Variants in NKAIN3 observed in about 807,000 individuals in gnomAD.
The protein encoded by NKAIN3 is sodium/potassium transporting ATPase interacting 3.
In NKAIN3, 25 loss-of-function variants were observed where a neutral mutation model predicts 30.2. The ratio of observed to expected loss-of-function variants is 0.83; its 90% CI spans 0.60 to 1.16. The LOEUF (loss-of-function observed/expected upper bound fraction) is 1.16, where lower values mean the gene tolerates loss of function less well. Ranked by LOEUF, NKAIN3 falls within the 50% of genes most tolerant of loss-of-function variation. The probability of loss-of-function intolerance (pLI) is 0.00; values close to 1 mark genes in which losing one functional copy is unlikely to be tolerated. For synonymous variants in NKAIN3, 91 were observed against 89.6 expected (o/e 1.02, Z -0.09); for missense variants, 225 against 254.1 (o/e 0.89, Z 0.78).
chr8:62,310,804 G>A (rs1023075666), intron 1 of NKAIN3, among the ~76,000 whole-genome samples: 2 of 150,324 alleles, frequency 1.3e-5, no homozygotes, highest in African/African-American at 5.0e-5. Flanking sequence ...ATCAACCAGC[G>A]AGGTGACTCC....
At chr8:62,755,183 C>T (rs566611431) in intron 4 of NKAIN3, among the ~76,000 whole-genome samples, 1 of 152,204 alleles carries the variant, frequency 6.6e-6, no homozygotes, top group African/African-American at 2.4e-5. Flanking sequence ...AAAAAATGTG[C>T]CCAAGATCCC....
intron 1 of NKAIN3, among the ~76,000 whole-genome samples, chr8:62,293,565 G>T (rs113933658): frequency 0.017 from 2,533 of 152,262 alleles, 63 homozygotes; most frequent in African/African-American, 0.055. Flanking sequence ...ATTGCAGAAT[G>T]GCAAATGTTG....
At chr8:62,301,714 A>C (rs1315624805) in intron 1 of NKAIN3, among the ~76,000 whole-genome samples, 2 of 152,120 alleles carry the variant, frequency 1.3e-5, no homozygotes, top group Non-Finnish European at 2.9e-5. Context: ...TTTGGTACAC[A>C]AATAGGTTTC....
Position 62,688,211 on chromosome 8 carries a change from G to T in NKAIN3, c.274-58721G>T, listed in dbSNP as rs186128208. ...GAAAGTTCATTCTTATATTGAGTAAGCATCTGTTTCCATTATGGGTAACAG... is the reference window on the plus strand; with the variant it reads ...GAAAGTTCATTCTTATATTGAGTAATCATCTGTTTCCATTATGGGTAACAG... On this transcript the variant is annotated intron_variant, in intron 3 of 6. Transcript: ENST00000623646. Among the ~76,000 whole-genome samples the T allele has an allele frequency of 2.1e-3, 326 of 152,272 alleles. 2 individuals carry two copies. The highest frequency in any genetic ancestry group is 2.3e-3 in the Non-Finnish European group (159 of 68,024).
At chr8:62,404,370 G>A (rs1419979735) in intron 1 of NKAIN3, among the ~76,000 whole-genome samples, 2 of 152,188 alleles carry the variant, frequency 1.3e-5, no homozygotes, top group Non-Finnish European at 2.9e-5. Context: ...TGGTTTTGCT[G>A]TGTCTCCACC....
At chr8:62,320,789 G>C (rs1001908289) in intron 1 of NKAIN3, among the ~76,000 whole-genome samples, 2 of 151,920 alleles carry the variant, frequency 1.3e-5, no homozygotes, top group Non-Finnish European at 2.9e-5. Flanking sequence ...TTCAACTTTC[G>C]TGAATCTGAC....
chr8:62,574,939 TA>T lies in NKAIN3; in HGVS notation c.55-4590del, dbSNP rs374646001. Among the ~76,000 whole-genome samples, 1,078 of 148,450 alleles carry T rather than the reference TA, an allele frequency of 7.3e-3. 13 individuals are homozygous for T. Among genetic ancestry groups the T allele is most frequent in the African/African-American group, 0.024 (981 of 40,708 alleles). On this transcript the variant is annotated intron_variant, in intron 1 of 6. Coordinates refer to ENST00000623646, the MANE Select transcript of NKAIN3 (RefSeq NM_001304533.3). Reference sequence around the variant, plus strand: ...AACATCCCTTCAGGATAAAAACCTTTAAAAAAAAAACTGGGTGTAGAAGGAA... The same window carrying T: ...AACATCCCTTCAGGATAAAAACCTTTAAAAAAAAACTGGGTGTAGAAGGAA...
At chr8:62,711,671 T>C (rs968678239) in intron 3 of NKAIN3, among the ~76,000 whole-genome samples, 6 of 152,340 alleles carry the variant, frequency 3.9e-5, no homozygotes, top group Non-Finnish European at 7.3e-5. Context: ...TTTCCTTGCA[T>C]TGGACTTCAC....
At chr8:62,750,211 T>C (rs1433741444) in intron 4 of NKAIN3, among the ~76,000 whole-genome samples, 3 of 151,854 alleles carry the variant, frequency 2.0e-5, no homozygotes, top group African/African-American at 7.3e-5. Flanking sequence ...CATAGAAATA[T>C]CTAGAATAAC....
intron 5 of NKAIN3, among the ~76,000 whole-genome samples, chr8:62,920,356 CCTAACA>C (rs1822243093): frequency 6.6e-6 from 1 of 152,118 alleles, no homozygotes; most frequent in Non-Finnish European, 1.5e-5. Context: ...CTCAGTTGTA[CCTAACA>C]GTGGGAGAAA....
At chr8:62,811,570 A>C (rs1409758991) in intron 4 of NKAIN3, among the ~76,000 whole-genome samples, 3 of 151,914 alleles carry the variant, frequency 2.0e-5, no homozygotes, top group African/African-American at 7.2e-5. Context: ...AACCATTCTC[A>C]TAAGTACATA....
intron 1 of NKAIN3, among the ~76,000 whole-genome samples, chr8:62,512,484 G>A: frequency 6.6e-6 from 1 of 152,156 alleles, no homozygotes; most frequent in East Asian, 1.9e-4. Context: ...GGGATTTGAT[G>A]TTCTAAGATG....
Position 62,973,317 on chromosome 8 carries a change from A to G in NKAIN3, c.*7910A>G, listed in dbSNP as rs969997370. Among the ~76,000 whole-genome samples, 2 of 152,154 alleles carry G rather than the reference A, an allele frequency of 1.3e-5. No homozygotes were observed. Among genetic ancestry groups the G allele is most frequent in the South Asian group, 2.1e-4 (1 of 4,832 alleles). ...GTTAAAAGCATTCCTATTTCTCCAC[A>G]TCCTCTCCAGCCTCTGTTGTATCCT... On this transcript the variant is annotated 3_prime_UTR_variant, in exon 7 of 7. Coordinates refer to ENST00000623646, the MANE Select transcript of NKAIN3 (RefSeq NM_001304533.3).
At chr8:62,481,127 TC>T (rs1806705481) in intron 1 of NKAIN3, among the ~76,000 whole-genome samples, 1 of 152,176 alleles carries the variant, frequency 6.6e-6, no homozygotes, top group African/African-American at 2.4e-5. Flanking sequence ...TTCTAAATCC[TC>T]CCCGATCTAG....
At chr8:62,495,790 A>G (rs1807219850) in intron 1 of NKAIN3, among the ~76,000 whole-genome samples, 1 of 152,116 alleles carries the variant, frequency 6.6e-6, no homozygotes. Flanking sequence ...TAACTTTTGG[A>G]TAGGAGAACT....
chr8:62,648,882 C>A (rs1812546090), intron 3 of NKAIN3, among the ~76,000 whole-genome samples: 1 of 152,112 alleles, frequency 6.6e-6, no homozygotes, highest in African/African-American at 2.4e-5. Context: ...TCAGTAAGCT[C>A]TGGAAGAGGC....
rs563991634 is a variant in NKAIN3, at chr8:62,722,525, T to C, written c.274-24407T>C. Among the ~76,000 whole-genome samples, 10 of 152,338 alleles carry C rather than the reference T, an allele frequency of 6.6e-5. 1 individual carries two copies. The South Asian group carries it at 2.1e-3, about 32-fold the overall frequency. On this transcript the variant is annotated intron_variant, in intron 3 of 6. Transcript: ENST00000623646. Reference sequence around the variant, plus strand: ...TTGGCCCTTATACACTCATGAACTATCTGGTTAGTAATAATTTTGTTTAGG... The same window carrying C: ...TTGGCCCTTATACACTCATGAACTACCTGGTTAGTAATAATTTTGTTTAGG...
At chr8:62,251,736 CAACAA>C (rs1233343664) in intron 1 of NKAIN3, among the ~76,000 whole-genome samples, 2 of 152,252 alleles carry the variant, frequency 1.3e-5, no homozygotes, top group Non-Finnish European at 2.9e-5. Context: ...CCTAGACAAT[CAACAA>C]AACAGTAAGC....
chr8:62,379,566 G>A (rs1817203360), intron 1 of NKAIN3, among the ~76,000 whole-genome samples: 1 of 152,152 alleles, frequency 6.6e-6, no homozygotes, highest in Non-Finnish European at 1.5e-5. Flanking sequence ...TCTCATAAGA[G>A]TGAGTGAGTT....
Sources: allele counts gnomAD v4.1 joint callset (sites outside exome capture counted in the v4.1 genomes callset), GRCh38; gene constraint gnomAD v4.1.1; transcripts MANE v1.5; gene names NCBI Gene and HGNC (gene_info 2026-07-23, HGNC 2026-07-21).